DOCK2: variants seen among roughly 807,000 people sequenced by gnomAD.
DOCK2 encodes dedicator of cytokinesis protein 2.
DOCK2 carries 87 observed loss-of-function variants against 248.9 expected under a neutral mutation model. The ratio of observed to expected loss-of-function variants is 0.35; its 90% confidence interval spans 0.29 to 0.42. The LOEUF is 0.42. DOCK2 is among the 10% of genes least tolerant of loss of function. The pLI is 1.00. For synonymous variants in DOCK2, 805 were observed against 821.6 expected (o/e 0.98, Z 0.35); for missense variants, 1,747 against 2,300.2 (o/e 0.76, Z 4.92).
intron 36 of DOCK2, among the ~76,000 whole-genome samples, chr5:170,040,170 A>G (rs17072010): frequency 0.077 from 11,758 of 152,272 alleles, 1,145 homozygotes; most frequent in African/African-American, 0.23. Flanking sequence ...TTATATGCCC[A>G]GTCACTTTAT....
intron 26 of DOCK2, among the ~76,000 whole-genome samples, chr5:169,810,993 A>T (rs62384821): frequency 1.1e-3 from 94 of 86,242 alleles, no homozygotes; most frequent in Middle Eastern, 5.7e-3. Flanking sequence ...TCTCTCTCAC[A>T]CACACACACA....
intron 1 of DOCK2, among the ~76,000 whole-genome samples, chr5:169,643,657 A>G (rs191267982): frequency 7.9e-5 from 12 of 152,150 alleles, no homozygotes; most frequent in Admixed American, 5.9e-4. Context: ...CAGGCCACCA[A>G]CCAGTACCGG....
chr5:169,941,994 A>G (rs1407363846), intron 27 of DOCK2, among the ~76,000 whole-genome samples: 2 of 152,268 alleles, frequency 1.3e-5, no homozygotes, highest in South Asian at 4.1e-4. Flanking sequence ...TCAGTTTCAC[A>G]TCTGTTCTGT....
At chr5:170,077,678 C>T in intron 47 of DOCK2, 32 bp from the exon 48 acceptor site, 6 of 1,611,702 alleles carry the variant, frequency 3.7e-6, no homozygotes, top group East Asian at 2.2e-5. Flanking sequence ...CCCCAGGCTA[C>T]AGCTGCTAAC....
chr5:170,036,606 C>T, intron 36 of DOCK2, 51 bp downstream of exon 36: 3 of 1,574,582 alleles, frequency 1.9e-6, no homozygotes, highest in South Asian at 2.3e-5. Flanking sequence ...CTTTCCTGCT[C>T]AGTATCCATC....
chr5:169,941,120 A>AGGGAAAGCACAGGGTGTC (rs1243591418), intron 27 of DOCK2, among the ~76,000 whole-genome samples: 4 of 152,194 alleles, frequency 2.6e-5, no homozygotes, highest in Admixed American at 2.6e-4. Context: ...CGCGCCCCGA[A>AGGGAAAGCACAGGGTGTC]GGGAAAGCAC....
At chr5:169,881,681 G>A (rs903872381) in intron 27 of DOCK2, among the ~76,000 whole-genome samples, 4 of 152,192 alleles carry the variant, frequency 2.6e-5, no homozygotes, top group Admixed American at 2.6e-4. Context: ...CAACAATCCT[G>A]TTGTGAGATG....
intron 25 of DOCK2, among the ~76,000 whole-genome samples, chr5:169,787,608 G>A (rs773483395): frequency 2.0e-5 from 3 of 151,866 alleles, no homozygotes; most frequent in Non-Finnish European, 4.4e-5. Context: ...CTGTTTCTGG[G>A]CCTGTTGTGG....
intron 26 of DOCK2, among the ~76,000 whole-genome samples, chr5:169,817,467 A>T (rs1768135129): frequency 6.6e-6 from 1 of 152,196 alleles, no homozygotes; most frequent in Admixed American, 6.5e-5. Flanking sequence ...CTAACTTCGG[A>T]CCTTATTTCC....
At chr5:169,804,497 TGC>T (rs1358301781) in intron 26 of DOCK2, among the ~76,000 whole-genome samples, 1 of 32,222 alleles carries the variant, frequency 3.1e-5, no homozygotes, top group East Asian at 2.2e-3. Context: ...CGCGCGCGCG[TGC>T]GCGTAAGCAT....
chr5:170,038,813 A>G (rs1319489536), intron 36 of DOCK2, among the ~76,000 whole-genome samples: 1 of 152,156 alleles, frequency 6.6e-6, no homozygotes, highest in Non-Finnish European at 1.5e-5. Flanking sequence ...CCAAAGGAGG[A>G]GTTGAAAGTA....
At chr5:169,893,795 T>A (rs1773434265) in intron 27 of DOCK2, among the ~76,000 whole-genome samples, 1 of 152,224 alleles carries the variant, frequency 6.6e-6, no homozygotes, top group African/African-American at 2.4e-5. Context: ...TCTAAGTTAT[T>A]TTTCAATGTT....
intron 39 of DOCK2, 94 bp from the exon 40 acceptor site, chr5:170,047,416 G>A (rs1415474198): frequency 2.9e-6 from 3 of 1,039,008 alleles, no homozygotes; most frequent in African/African-American, 1.6e-5. Context: ...CATTGGCTCT[G>A]GTATAATGAA....
At chr5:169,877,577 G>C (rs374184247) in intron 27 of DOCK2, among the ~76,000 whole-genome samples, 1 of 152,298 alleles carries the variant, frequency 6.6e-6, no homozygotes, top group African/African-American at 2.4e-5. Flanking sequence ...GGTGAAATAG[G>C]TGTGTTTGGG....
chr5:169,991,394 C>G (rs1216636387), intron 29 of DOCK2, among the ~76,000 whole-genome samples: 1 of 152,236 alleles, frequency 6.6e-6, no homozygotes, highest in Non-Finnish European at 1.5e-5. Flanking sequence ...CTCACAACAG[C>G]TGACTTATCT....
At chr5:169,762,673 G>A (rs999750322) in intron 25 of DOCK2, among the ~76,000 whole-genome samples, 2 of 152,148 alleles carry the variant, frequency 1.3e-5, no homozygotes, top group Admixed American at 1.3e-4. Context: ...ACTCCTTTCT[G>A]TAAGGGTGAA....
chr5:170,018,840 A>G, intron 32 of DOCK2, 120 bp from the exon 33 acceptor site: 1 of 1,272,956 alleles, frequency 7.9e-7, no homozygotes, highest in Non-Finnish European at 1.1e-6. Flanking sequence ...ACAACTATAT[A>G]AGTGTTAACT....
At chr5:170,047,339 T>A (rs2113849766) in intron 39 of DOCK2, among the ~76,000 whole-genome samples, 171 bp from the exon 40 acceptor site, 1 of 152,364 alleles carries the variant, frequency 6.6e-6, no homozygotes, top group South Asian at 2.1e-4. Flanking sequence ...CCTGGTATAC[T>A]GTAAATATAG....
intron 44 of DOCK2, among the ~76,000 whole-genome samples, chr5:170,058,971 T>C (rs7710251): frequency 0.23 from 34,669 of 152,036 alleles, 4,208 homozygotes; most frequent in African/African-American, 0.29. Flanking sequence ...ACTGTTCATA[T>C]GCATGATCTC....
Sources: gnomAD v4.1 joint callset for allele counts (sites outside exome capture counted in the v4.1 genomes callset) on GRCh38, gnomAD v4.1.1 for gene constraint, MANE v1.5 for transcripts, NCBI Gene and HGNC (gene_info 2026-07-23, HGNC 2026-07-21) for gene names.